TMTC2: variants seen among roughly 807,000 people sequenced by gnomAD.
The protein encoded by TMTC2 is transmembrane O-mannosyltransferase targeting cadherins 2, also known as protein O-mannosyl-transferase TMTC2.
Under a neutral mutation model 82.4 loss-of-function variants are expected in TMTC2, and 43 were observed. The ratio of observed to expected loss-of-function variants is 0.52; its 90% CI spans 0.41 to 0.67. The LOEUF (loss-of-function observed/expected upper bound fraction) is 0.67, where lower values mean the gene tolerates loss of function less well. TMTC2 is among the 30% of genes least tolerant of loss of function. The pLI is 0.00. For missense variants in TMTC2, 919 were observed against 1,012.4 expected (o/e 0.91, Z 1.25); for synonymous variants, 408 against 381.9 (o/e 1.07, Z -0.80).
intron 1 of TMTC2, among the ~76,000 whole-genome samples, chr12:82,846,227 G>A (rs180750953): frequency 1.2e-4 from 19 of 152,026 alleles, no homozygotes; most frequent in Admixed American, 5.2e-4. Context: ...GCATTGTGGC[G>A]CACACGTATA....
chr12:83,132,214 C>G lies in TMTC2; in HGVS notation c.2336C>G (p.Pro779Arg), dbSNP rs768504200. 6 of 1,604,962 alleles carry G rather than the reference C, an allele frequency of 3.7e-6. No individual in the cohort carries two copies. In the African/African-American group the frequency reaches 8.1e-5, roughly 22 times the overall value. Residue 779 changes from proline to arginine, a missense_variant, in exon 12 of 12, where the codon CCG becomes CGG. Pro to Arg is a moderately radical substitution (Grantham distance 103). Transcript: ENST00000321196. The stretch of plus-strand genomic sequence containing the variant: ...TCCTTCTTTCTCTTGTTGCAGTATC[C>G]GGCTGCTTTGATGAACCTGGGAGCC... ...DLAARLRPNYPAALMNLGAIL... is the reference protein window; with the variant it reads ...DLAARLRPNYRAALMNLGAIL...
intron 11 of TMTC2, among the ~76,000 whole-genome samples, chr12:83,095,550 G>T (rs374475422): frequency 6.6e-6 from 1 of 152,034 alleles, no homozygotes; most frequent in African/African-American, 2.4e-5. Flanking sequence ...ATGTTTTTTG[G>T]CCTGAGCAAC....
chr12:82,854,497 A>G (rs984763162), intron 1 of TMTC2, among the ~76,000 whole-genome samples: 1 of 152,184 alleles, frequency 6.6e-6, no homozygotes, highest in African/African-American at 2.4e-5. Context: ...GCAGGGGAAG[A>G]AGGCTAAGCT....
Position 83,132,122 on chromosome 12 carries a change from T to C in TMTC2, c.2332-88T>C, listed in dbSNP as rs1885275028. On this transcript the variant is annotated intron_variant, in intron 11 of 11. Transcript: ENST00000321196. ...AATGCCTCTAGACATAAGGGAATTA[T>C]TTGCATAAGTGGATGAAGATTTTTG... 7 of 1,445,620 alleles carry C rather than the reference T, an allele frequency of 4.8e-6. No homozygotes were observed. The East Asian group carries it at 1.4e-4, about 29-fold the overall frequency. The allele number at this position is 1,445,620 out of a possible 1,614,324, so 89.5% of individuals were successfully genotyped here.
At chr12:83,036,265 A>G (rs920787037) in intron 9 of TMTC2, among the ~76,000 whole-genome samples, 3 of 152,192 alleles carry the variant, frequency 2.0e-5, no homozygotes, top group African/African-American at 7.2e-5. Flanking sequence ...AAATCTTACA[A>G]ACTGGGAAGG....
At chr12:82,795,453 G>A (rs1382687796) in intron 1 of TMTC2, among the ~76,000 whole-genome samples, 1 of 152,038 alleles carries the variant, frequency 6.6e-6, no homozygotes, top group Non-Finnish European at 1.5e-5. Context: ...GTGTCTGAAG[G>A]GTAGAGATAG....
chr12:82,919,243 T>C (rs1252147996), intron 3 of TMTC2, among the ~76,000 whole-genome samples: 1 of 152,176 alleles, frequency 6.6e-6, no homozygotes, highest in Non-Finnish European at 1.5e-5. Context: ...CAGTTCACTC[T>C]AGTGAAAACT....
intron 11 of TMTC2, among the ~76,000 whole-genome samples, chr12:83,078,774 C>T (rs370169505): frequency 5.9e-5 from 9 of 152,222 alleles, no homozygotes; most frequent in African/African-American, 2.2e-4. Context: ...CTGTCACTTT[C>T]TTTAATGATC....
chr12:83,032,822 A>G (rs149473564), intron 9 of TMTC2, among the ~76,000 whole-genome samples: 3 of 152,140 alleles, frequency 2.0e-5, no homozygotes, highest in Non-Finnish European at 4.4e-5. Context: ...TGGCCTCCCA[A>G]ATTGCTGGGG....
chr12:83,098,690 A>G (rs1339097713), intron 11 of TMTC2, among the ~76,000 whole-genome samples: 1 of 152,170 alleles, frequency 6.6e-6, no homozygotes, highest in African/African-American at 2.4e-5. Context: ...CTCTTAAGCA[A>G]GCTCGAGCAA....
intron 11 of TMTC2, among the ~76,000 whole-genome samples, chr12:83,064,131 G>A (rs1368707397): frequency 1.3e-5 from 2 of 151,670 alleles, no homozygotes; most frequent in African/African-American, 4.8e-5. Context: ...TGAGTATCAT[G>A]TTGATTTTTG....
chr12:82,825,584 G>A (rs902517959), intron 1 of TMTC2, among the ~76,000 whole-genome samples: 2 of 152,178 alleles, frequency 1.3e-5, no homozygotes, highest in South Asian at 2.1e-4. Flanking sequence ...TAGGCAGTAC[G>A]TCTATTATTT....
chr12:82,981,492 T>A (rs1878916758), intron 7 of TMTC2, among the ~76,000 whole-genome samples: 1 of 151,908 alleles, frequency 6.6e-6, no homozygotes, highest in Non-Finnish European at 1.5e-5. Context: ...CTTTTGTCTG[T>A]GAGTGAAATG....
intron 1 of TMTC2, among the ~76,000 whole-genome samples, chr12:82,729,956 C>T (rs1262728605): frequency 6.6e-6 from 1 of 152,118 alleles, no homozygotes; most frequent in Non-Finnish European, 1.5e-5. Context: ...AGAGCTGTAA[C>T]ACTTATCGGG....
intron 1 of TMTC2, among the ~76,000 whole-genome samples, chr12:82,838,315 A>G (rs766348592): frequency 6.6e-6 from 1 of 152,218 alleles, no homozygotes; most frequent in South Asian, 2.1e-4. Flanking sequence ...CTAATGCACC[A>G]TAATCAATGT....
intron 1 of TMTC2, among the ~76,000 whole-genome samples, chr12:82,699,976 A>T (rs1306902176): frequency 1.3e-5 from 2 of 152,148 alleles, no homozygotes. Flanking sequence ...TTTATATAGT[A>T]CTTGTATTAG....
chr12:82,914,429 G>T (rs765698215), intron 3 of TMTC2, among the ~76,000 whole-genome samples: 4 of 151,910 alleles, frequency 2.6e-5, no homozygotes, highest in Non-Finnish European at 4.4e-5. Flanking sequence ...TTAACACATG[G>T]AATATTCTCC....
chr12:83,023,241 C>T (rs1018628630), intron 8 of TMTC2, among the ~76,000 whole-genome samples: 2 of 152,158 alleles, frequency 1.3e-5, no homozygotes, highest in African/African-American at 4.8e-5. Context: ...ATAACATCTC[C>T]TTGTATCAAT....
chr12:82,855,634 A>G (rs956113557), intron 1 of TMTC2, among the ~76,000 whole-genome samples: 2 of 152,210 alleles, frequency 1.3e-5, no homozygotes, highest in Non-Finnish European at 1.5e-5. Flanking sequence ...GGATACAAAA[A>G]GACTCCAAAT....
Sources: allele counts gnomAD v4.1 joint callset (sites outside exome capture counted in the v4.1 genomes callset), GRCh38; gene constraint gnomAD v4.1.1; transcripts MANE v1.5; gene names NCBI Gene and HGNC (gene_info 2026-07-23, HGNC 2026-07-21).